The following TMEFF2 variants were observed in gnomAD, a reference collection of about 807,000 sequenced individuals.
TMEFF2 encodes transmembrane protein with EGF like and two follistatin like domains 2.
In TMEFF2, 28 loss-of-function variants were observed where a neutral mutation model predicts 53.8. The ratio of observed to expected loss-of-function variants is 0.52; its 90% CI spans 0.39 to 0.71. The LOEUF is 0.71. Among genes scored for constraint, TMEFF2 ranks in the 30% least tolerant of loss-of-function variants. The pLI is 0.00. For synonymous variants in TMEFF2, 162 were observed against 166.3 expected (o/e 0.97, Z 0.20); for missense variants, 353 against 455.2 (o/e 0.78, Z 2.04).
intron 7 of TMEFF2, among the ~76,000 whole-genome samples, chr2:191,984,269 C>G (rs1308451914): frequency 3.9e-5 from 6 of 151,946 alleles, no homozygotes; most frequent in Non-Finnish European, 8.8e-5. Context: ...ATCTGTTTTT[C>G]CAAAGTTAAT....
intron 7 of TMEFF2, among the ~76,000 whole-genome samples, chr2:191,989,768 T>C: frequency 6.6e-6 from 1 of 152,102 alleles, no homozygotes; most frequent in South Asian, 2.1e-4. Context: ...TGTTGGTTCT[T>C]GGCCCTTGAT....
At chr2:191,979,902 G>T (rs1685816841) in intron 7 of TMEFF2, among the ~76,000 whole-genome samples, 1 of 150,286 alleles carries the variant, frequency 6.7e-6, no homozygotes, top group African/African-American at 2.5e-5. Flanking sequence ...ATGTGGCTTT[G>T]CATTATAAGT....
chr2:192,081,189 A>G (rs1418203794), intron 4 of TMEFF2, among the ~76,000 whole-genome samples: 1 of 152,248 alleles, frequency 6.6e-6, no homozygotes, highest in African/African-American at 2.4e-5. Flanking sequence ...AGCTTGCTGC[A>G]TAGCTTATTG....
intron 7 of TMEFF2, among the ~76,000 whole-genome samples, chr2:191,971,139 G>T (rs1269802975): frequency 6.6e-6 from 1 of 152,182 alleles, no homozygotes; most frequent in Non-Finnish European, 1.5e-5. Context: ...AGGATCCAAT[G>T]TGAGTCTAAA....
intron 4 of TMEFF2, among the ~76,000 whole-genome samples, chr2:192,081,485 A>G (rs1688551144): frequency 6.6e-6 from 1 of 152,176 alleles, no homozygotes; most frequent in Admixed American, 6.5e-5. Flanking sequence ...AAATTCATAT[A>G]CCTGAAATTT....
At chr2:192,128,052 T>A (rs1232758607) in intron 4 of TMEFF2, among the ~76,000 whole-genome samples, 1 of 152,218 alleles carries the variant, frequency 6.6e-6, no homozygotes, top group African/African-American at 2.4e-5. Context: ...TGATTTGCCA[T>A]TGCAACTTTA....
chr2:192,124,275 C>T (rs914745291), intron 4 of TMEFF2, among the ~76,000 whole-genome samples: 22 of 152,204 alleles, frequency 1.4e-4, no homozygotes, highest in Admixed American at 5.9e-4. Flanking sequence ...TATAGGACCA[C>T]AGGGGTAAAC....
Position 191,983,880 on chromosome 2 carries a change from G to A in TMEFF2, c.745+14382C>T, listed in dbSNP as rs546374017. Among the ~76,000 whole-genome samples the A allele has an allele frequency of 4.6e-4, 70 of 152,282 alleles. 1 individual carries two copies. Among genetic ancestry groups the A allele is most frequent in the African/African-American group, 1.6e-3 (67 of 41,558 alleles). On this transcript the variant is annotated intron_variant, in intron 7 of 9. Coordinates refer to ENST00000272771, the MANE Select transcript of TMEFF2 (RefSeq NM_016192.4). Reference sequence around the variant, plus strand: ...AATCAATTCAATATCGTTTCTAAATGGTGAATCCAGTGAGAAAGAACTTTT... The same window carrying A: ...AATCAATTCAATATCGTTTCTAAATAGTGAATCCAGTGAGAAAGAACTTTT...
At chr2:192,101,009 G>C (rs16834193) in intron 4 of TMEFF2, among the ~76,000 whole-genome samples, 10,278 of 152,040 alleles carry the variant, frequency 0.068, 481 homozygotes, top group East Asian at 0.2. Flanking sequence ...CCTTCCTCTC[G>C]CTTATTATAA....
chr2:192,069,733 C>G (rs1206211028), intron 4 of TMEFF2, among the ~76,000 whole-genome samples: 2 of 151,436 alleles, frequency 1.3e-5, no homozygotes, highest in African/African-American at 2.4e-5. Flanking sequence ...ATTAGATCAC[C>G]AAGGTTATCC....
At chr2:192,164,726 C>CAA (rs34648660) in intron 4 of TMEFF2, among the ~76,000 whole-genome samples, 1 of 133,674 alleles carries the variant, frequency 7.5e-6, no homozygotes, top group African/African-American at 2.9e-5. Context: ...GACTTCGTCT[C>CAA]AAAAAAAAAA....
At chr2:192,147,438 G>A (rs531868806) in intron 4 of TMEFF2, among the ~76,000 whole-genome samples, 16 of 151,570 alleles carry the variant, frequency 1.1e-4, no homozygotes, top group Non-Finnish European at 1.5e-4. Flanking sequence ...CCATTAACTC[G>A]TCATTTACGT....
intron 4 of TMEFF2, among the ~76,000 whole-genome samples, chr2:192,105,234 GAA>G (rs1053246674): frequency 1.3e-5 from 2 of 151,782 alleles, no homozygotes; most frequent in African/African-American, 4.8e-5. Flanking sequence ...CATATTTTAT[GAA>G]GTGTTACTGA....
intron 4 of TMEFF2, among the ~76,000 whole-genome samples, chr2:192,106,475 CATGTT>C (rs1200189790): frequency 6.6e-6 from 1 of 151,616 alleles, no homozygotes. Flanking sequence ...GTTACCATTT[CATGTT>C]ATTTTCTGTT....
chr2:192,090,503 A>C (rs912216289), intron 4 of TMEFF2, among the ~76,000 whole-genome samples: 1 of 152,138 alleles, frequency 6.6e-6, no homozygotes, highest in Non-Finnish European at 1.5e-5. Context: ...AATTGCCAGG[A>C]GGACAATCAG....
At chr2:192,089,724 G>A (rs1205728128) in intron 4 of TMEFF2, among the ~76,000 whole-genome samples, 1 of 152,108 alleles carries the variant, frequency 6.6e-6, no homozygotes, top group African/African-American at 2.4e-5. Context: ...CTTCCAAGCT[G>A]TATGACTTTA....
At chr2:191,987,612 G>A (rs561399210) in intron 7 of TMEFF2, among the ~76,000 whole-genome samples, 5 of 152,050 alleles carry the variant, frequency 3.3e-5, no homozygotes, top group Admixed American at 2.0e-4. Flanking sequence ...TCACCATGTT[G>A]CCCAGGCTGG....
At chr2:192,096,682 T>C (rs1380840478) in intron 4 of TMEFF2, among the ~76,000 whole-genome samples, 13 of 141,144 alleles carry the variant, frequency 9.2e-5, no homozygotes, top group African/African-American at 3.4e-4. Flanking sequence ...TTTTTTTTTT[T>C]TTTTTTTTTT....
chr2:192,164,700 C>T (rs1415579358), intron 4 of TMEFF2, among the ~76,000 whole-genome samples: 4 of 150,436 alleles, frequency 2.7e-5, no homozygotes, highest in Non-Finnish European at 3.0e-5. Flanking sequence ...CGCACTCCAG[C>T]CTGGTGACAT....
Sources: gnomAD v4.1 joint callset for allele counts (sites outside exome capture counted in the v4.1 genomes callset) on GRCh38, gnomAD v4.1.1 for gene constraint, MANE v1.5 for transcripts, NCBI Gene and HGNC (gene_info 2026-07-23, HGNC 2026-07-21) for gene names.